Variants in USP10 observed in about 807,000 individuals in gnomAD.
USP10 encodes ubiquitin carboxyl-terminal hydrolase 10.
USP10 carries 22 observed loss-of-function variants against 84.5 expected under a neutral mutation model. The observed-to-expected ratio is 0.26, with a 90% CI of 0.19 to 0.37. The LOEUF is 0.37. USP10 is among the 10% of genes least tolerant of loss of function. USP10 has a pLI of 1.00. For synonymous variants in USP10, 454 were observed against 387.6 expected (o/e 1.17, Z -2.01); for missense variants, 1,019 against 998.9 (o/e 1.02, Z -0.27).
At chr16:84,718,585 G>A (rs1383094618) in intron 1 of USP10, among the ~76,000 whole-genome samples, 2 of 151,892 alleles carry the variant, frequency 1.3e-5, no homozygotes, top group Non-Finnish European at 2.9e-5. Flanking sequence ...GTAAAACCCT[G>A]TCCCTACTGA....
In USP10 at chr16:84,778,227, G is replaced by A. The variant is rs1015417027; in HGVS notation, c.2210-668G>A. Reference sequence around the variant, plus strand: ...ACCACAGCTCCACGCTCAAGCAACCGTGGTTAGCAGTCCCAGGGTCCCTCC... The same window carrying A: ...ACCACAGCTCCACGCTCAAGCAACCATGGTTAGCAGTCCCAGGGTCCCTCC... On this transcript the variant is annotated intron_variant, in intron 13 of 13. Coordinates refer to ENST00000219473, the MANE Select transcript of USP10 (RefSeq NM_005153.3). Among the ~76,000 whole-genome samples the A allele has an allele frequency of 4.6e-5, 7 of 152,128 alleles. No individual in the cohort carries two copies. The East Asian group carries it at 9.6e-4, about 21-fold the overall frequency.
intron 8 of USP10, among the ~76,000 whole-genome samples, chr16:84,762,063 T>C (rs1409206712): frequency 6.6e-6 from 1 of 152,262 alleles, no homozygotes; most frequent in Non-Finnish European, 1.5e-5. Flanking sequence ...CTGTGAAGAA[T>C]GAAATATGAA....
At chr16:84,720,432 A>G (rs980428121) in intron 1 of USP10, among the ~76,000 whole-genome samples, 1 of 152,148 alleles carries the variant, frequency 6.6e-6, no homozygotes, top group African/African-American at 2.4e-5. Flanking sequence ...GTGGAGTTTG[A>G]GTACATGGTC....
intron 4 of USP10, among the ~76,000 whole-genome samples, chr16:84,756,780 G>T (rs1336946960): frequency 6.6e-6 from 1 of 152,170 alleles, no homozygotes; most frequent in Non-Finnish European, 1.5e-5. Context: ...TTTTAACACT[G>T]CAATGACATT....
At chr16:84,742,889 G>C (rs1910788732) in intron 3 of USP10, among the ~76,000 whole-genome samples, 1 of 152,188 alleles carries the variant, frequency 6.6e-6, no homozygotes, top group Admixed American at 6.5e-5. Flanking sequence ...TTTATGTTCT[G>C]ATAAGATTGA....
chr16:84,772,581 C>T lies in USP10; in HGVS notation c.2039C>T (p.Pro680Leu), dbSNP rs934436435. 3 of 1,613,864 alleles carry T rather than the reference C, an allele frequency of 1.9e-6. No homozygotes were observed. The highest frequency in any genetic ancestry group is 2.7e-5 in the African/African-American group (2 of 74,932). Residue 680 changes from proline (P) to leucine (L), a missense_variant, in exon 12 of 14, where the codon CCT becomes CTT. Physicochemically the swap from Pro to Leu is moderately conservative, Grantham distance 98. Transcript: ENST00000219473. ...AGAGTGACTCTGGAAAAACTCCCTC[C>T]TGTCCTCGTGCTGCACCTGAAACGA... ...SRRVTLEKLP[P>L]VLVLHLKRFV...
chr16:84,735,311 G>A (rs978787459), intron 2 of USP10, among the ~76,000 whole-genome samples: 1 of 151,678 alleles, frequency 6.6e-6, no homozygotes, highest in Admixed American at 6.6e-5. Context: ...CGTTTTAGTT[G>A]CTACAGGTTT....
intron 1 of USP10, chr16:84,732,662 G>A (rs112869911): frequency 0.019 from 5,736 of 301,006 alleles, 87 homozygotes; most frequent in Middle Eastern, 0.036. Flanking sequence ...TGGCCAGGCT[G>A]GTCTCGAATT....
chr16:84,766,589 T>C (rs1267727510), intron 10 of USP10, among the ~76,000 whole-genome samples: 1 of 152,210 alleles, frequency 6.6e-6, no homozygotes, highest in East Asian at 1.9e-4. Flanking sequence ...ATGGTTTTTG[T>C]GCAGAGGCCG....
Position 84,779,006 on chromosome 16 carries a change from A to G in USP10, c.2321A>G (p.Asn774Ser), listed in dbSNP as rs756380099. The G allele has an allele frequency of 8.7e-5, 140 of 1,613,934 alleles. 2 individuals are homozygous for G. Among genetic ancestry groups the G allele is most frequent in the South Asian group, 7.7e-4 (70 of 91,088 alleles). Residue 774 changes from asparagine (N) to serine (S), a missense_variant, in exon 14 of 14, where the codon AAC (asparagine) becomes AGC (serine). Around this residue, in one of 2 missense-constraint regions of USP10, gnomAD observed 232 missense variants for 290.1 expected, o/e 0.80. Coordinates refer to ENST00000219473, the MANE Select transcript of USP10 (RefSeq NM_005153.3). Reference sequence around the variant, plus strand: ...GATGACCAGACAGTCAAGGTGATCAACCAGTACCAGGTGGTGAAACCAACT... The same window carrying G: ...GATGACCAGACAGTCAAGGTGATCAGCCAGTACCAGGTGGTGAAACCAACT... ...RIDDQTVKVI[N>S]QYQVVKPTAE...
chr16:84,768,824 C>T (rs1443123174), intron 11 of USP10, among the ~76,000 whole-genome samples: 1 of 152,098 alleles, frequency 6.6e-6, no homozygotes, highest in Non-Finnish European at 1.5e-5. Context: ...ATAATATAGT[C>T]ATTGTTCTGA....
intron 4 of USP10, among the ~76,000 whole-genome samples, chr16:84,751,218 G>C (rs1911892846): frequency 6.6e-6 from 1 of 152,220 alleles, no homozygotes; most frequent in Non-Finnish European, 1.5e-5. Flanking sequence ...ATATGGCCCA[G>C]GTGTGTAGTT....
At chr16:84,754,992 A>G (rs1420984935) in intron 4 of USP10, among the ~76,000 whole-genome samples, 1 of 149,148 alleles carries the variant, frequency 6.7e-6, no homozygotes, top group Non-Finnish European at 1.5e-5. Context: ...TGTCCCAGAA[A>G]AAAAAAAAAA....
At position 84,745,671 on chromosome 16, in the gene USP10, CAGG is replaced by C; in HGVS notation, c.1191_1192+1del. 6.2e-7 allele frequency: 1 copy of C among 1,606,582 alleles called. No individual in the cohort carries two copies. Among genetic ancestry groups the C allele is most frequent in the Non-Finnish European group, 8.5e-7 (1 of 1,176,102 alleles). On this transcript the variant is annotated splice_donor_variant and coding_sequence_variant, in exon 4 of 14. Coordinates refer to ENST00000219473, the MANE Select transcript of USP10 (RefSeq NM_005153.3). LOFTEE classifies it high-confidence loss of function. ...GAGGATCCTGTAGCCATAAAGATTG[CAGG>C]TATAGTTGAAAAGATACAAATCTAG... is the stretch of plus-strand genomic sequence containing the variant.
chr16:84,730,179 T>C (rs1248634254), intron 1 of USP10, among the ~76,000 whole-genome samples: 1 of 152,208 alleles, frequency 6.6e-6, no homozygotes, highest in East Asian at 1.9e-4. Context: ...GGCCACATTT[T>C]TTCTTGTTGA....
intron 4 of USP10, among the ~76,000 whole-genome samples, chr16:84,758,416 A>G (rs56404731): frequency 0.28 from 43,107 of 152,160 alleles, 7,593 homozygotes; most frequent in Non-Finnish European, 0.41. Flanking sequence ...TAATAATGAT[A>G]CTGTGTTAAC....
chr16:84,741,000 C>A (rs376317218), intron 3 of USP10, among the ~76,000 whole-genome samples: 3 of 152,240 alleles, frequency 2.0e-5, no homozygotes, highest in African/African-American at 7.2e-5. Flanking sequence ...GCTGCCCTTG[C>A]ACAATTCAAA....
At chr16:84,769,883 C>A (rs191914457) in intron 11 of USP10, among the ~76,000 whole-genome samples, 2 of 152,090 alleles carry the variant, frequency 1.3e-5, no homozygotes, top group African/African-American at 4.8e-5. Flanking sequence ...TAGTTGTTAG[C>A]CTGTTGTTAG....
chr16:84,764,939 A>ATAT (rs1555548055), intron 10 of USP10, among the ~76,000 whole-genome samples: 12 of 132,250 alleles, frequency 9.1e-5, no homozygotes, highest in South Asian at 2.7e-4. Flanking sequence ...GAGAAAAAAA[A>ATAT]ATATATATAT....
Sources: gnomAD v4.1 joint callset for allele counts (sites outside exome capture counted in the v4.1 genomes callset) on GRCh38, gnomAD v4.1.1 for gene constraint, gnomAD v4.1.1 regional missense constraint, MANE v1.5 for transcripts, NCBI Gene and HGNC (gene_info 2026-07-23, HGNC 2026-07-21) for gene names.